Variants in XXYLT1 observed in about 807,000 individuals in gnomAD.
XXYLT1 encodes xyloside xylosyltransferase 1.
Under a neutral mutation model 28.9 loss-of-function variants are expected in XXYLT1, and 20 were observed. That is an observed-to-expected ratio of 0.69 (90% CI 0.49 to 1.00). The LOEUF is 1.00. Ranked by LOEUF, XXYLT1 falls within the 50% of genes least tolerant of loss-of-function variation. The pLI, the probability that XXYLT1 is intolerant of heterozygous loss-of-function variation, is 0.00. For missense variants in XXYLT1, 542 were observed against 560.1 expected (o/e 0.97, Z 0.33); for synonymous variants, 257 against 253.8 (o/e 1.01, Z -0.12).
At position 195,195,714 on chromosome 3, in the gene XXYLT1, G is replaced by C. The variant is rs1179524510; in HGVS notation, c.652+30995C>G. On this transcript the variant is annotated intron_variant, in intron 2 of 3. Coordinates refer to ENST00000310380, the MANE Select transcript of XXYLT1 (RefSeq NM_152531.5). This position sits in a 1 kb window ranked among gnomAD's most constrained non-coding sequence, Gnocchi z 4.4. ...ACAGCTCTCAGGAACAGCTCGGAGG[G>C]CCCGGGCAGTGCCGTGCTGGGAATG... 6.6e-6 allele frequency among the ~76,000 whole-genome samples: 1 copy of C among 152,166 alleles called. No individual in the cohort carries two copies. The highest frequency in any genetic ancestry group is 1.5e-5 in the Non-Finnish European group (1 of 68,030).
chr3:195,234,208 C>T (rs1424675574), intron 1 of XXYLT1, among the ~76,000 whole-genome samples: 2 of 150,922 alleles, frequency 1.3e-5, no homozygotes, highest in African/African-American at 2.4e-5. Flanking sequence ...TGAGCCACTG[C>T]GTCTGGCCAG....
chr3:195,263,277 GAACCCAACCTGTAAGGT>G (rs1725746520), intron 1 of XXYLT1, among the ~76,000 whole-genome samples: 1 of 152,178 alleles, frequency 6.6e-6, no homozygotes, highest in Non-Finnish European at 1.5e-5. Flanking sequence ...GCTCCTCCTG[GAACCCAACCTGTAAGGT>G]AACCCAACCT....
At chr3:195,141,685 T>TGCCAGCCAGC (rs1719499774) in intron 3 of XXYLT1, among the ~76,000 whole-genome samples, 2 of 152,132 alleles carry the variant, frequency 1.3e-5, no homozygotes, top group South Asian at 2.1e-4. Context: ...TCAGAACCCT[T>TGCCAGCCAGC]GCCAGCCAGC....
chr3:195,214,546 T>C (rs1723474403), intron 2 of XXYLT1, among the ~76,000 whole-genome samples: 1 of 152,144 alleles, frequency 6.6e-6, no homozygotes, highest in Non-Finnish European at 1.5e-5. Flanking sequence ...AGTCAGGATC[T>C]CAGAGGCTGG....
At position 195,124,180 on chromosome 3, in the gene XXYLT1, C is replaced by G. The variant is rs1427654816; in HGVS notation, c.785+32269G>C. Among the ~76,000 whole-genome samples the G allele has an allele frequency of 6.6e-6, 1 of 152,218 alleles. No homozygotes were observed. Among genetic ancestry groups the G allele is most frequent in the Non-Finnish European group, 1.5e-5 (1 of 68,042 alleles). On this transcript the variant is annotated intron_variant, in intron 3 of 3. Transcript: ENST00000310380. This position sits in a 1 kb window ranked among gnomAD's most constrained non-coding sequence, Gnocchi z 4.1. ...CCTCGAGAAGTGTGGGTCTAGACCA[C>G]AGCCCTCATTTTACAGACAAAGAGA...
At chr3:195,191,349 A>G (rs941995618) in intron 2 of XXYLT1, among the ~76,000 whole-genome samples, 1 of 152,176 alleles carries the variant, frequency 6.6e-6, no homozygotes, top group Non-Finnish European at 1.5e-5. Flanking sequence ...GATCTTTATG[A>G]TGATCTGCTT....
chr3:195,072,874 A>AGCCTC (rs1445095984), intron 3 of XXYLT1, among the ~76,000 whole-genome samples: 5 of 152,190 alleles, frequency 3.3e-5, no homozygotes, highest in African/African-American at 9.7e-5. Flanking sequence ...GAATCGCATC[A>AGCCTC]GCCTCGGGGT....
At chr3:195,224,415 A>G (rs2108799159) in intron 2 of XXYLT1, among the ~76,000 whole-genome samples, 1 of 152,176 alleles carries the variant, frequency 6.6e-6, no homozygotes, top group East Asian at 1.9e-4. Flanking sequence ...AGGCTCTTGG[A>G]CAGGGCTAAG....
chr3:195,222,904 T>G (rs201613149), intron 2 of XXYLT1, among the ~76,000 whole-genome samples: 1 of 152,016 alleles, frequency 6.6e-6, no homozygotes, highest in Non-Finnish European at 1.5e-5. Context: ...AAAAGCTACA[T>G]GTTGGGAATA....
intron 3 of XXYLT1, among the ~76,000 whole-genome samples, chr3:195,098,765 T>G (rs1716601185): frequency 6.6e-6 from 1 of 152,178 alleles, no homozygotes; most frequent in East Asian, 1.9e-4. Context: ...AAGGCCCTGG[T>G]GCCTCTTGAT....
chr3:195,156,024 C>T (rs900942073), intron 3 of XXYLT1, among the ~76,000 whole-genome samples: 26 of 152,208 alleles, frequency 1.7e-4, no homozygotes, highest in African/African-American at 6.3e-4. Context: ...TGTGTTCTGA[C>T]GTCTTCCCTC....
chr3:195,266,382 T>A lies in XXYLT1; in HGVS notation c.504+4173A>T, dbSNP rs929803785. Among the ~76,000 whole-genome samples the A allele has an allele frequency of 4.8e-4, 73 of 151,514 alleles. 1 individual carries two copies. Among genetic ancestry groups the A allele is most frequent in the Admixed American group, 1.3e-4 (2 of 15,214 alleles). ...TGGCGGTGGGTGCCTGTAGTCCAGCTACTCCGGAAGCTGAGACAGGAGAAT... is the reference window on the plus strand; with the variant it reads ...TGGCGGTGGGTGCCTGTAGTCCAGCAACTCCGGAAGCTGAGACAGGAGAAT... On this transcript the variant is annotated intron_variant, in intron 1 of 3. Transcript: ENST00000310380.
At chr3:195,135,420 G>A (rs1006098437) in intron 3 of XXYLT1, among the ~76,000 whole-genome samples, 1 of 152,212 alleles carries the variant, frequency 6.6e-6, no homozygotes. Flanking sequence ...GTCAGCAGGG[G>A]CAGGGAGGTT....
intron 2 of XXYLT1, among the ~76,000 whole-genome samples, chr3:195,208,267 G>A (rs772900424): frequency 3.9e-5 from 6 of 152,102 alleles, no homozygotes; most frequent in Non-Finnish European, 8.8e-5. Context: ...AGAAAGTGAA[G>A]TTGTGAGGGC....
chr3:195,129,120 G>T lies in XXYLT1; in HGVS notation c.785+27329C>A, dbSNP rs1035149236. Among the ~76,000 whole-genome samples the T allele has an allele frequency of 2.6e-5, 4 of 152,132 alleles. No individual in the cohort carries two copies. Among genetic ancestry groups the T allele is most frequent in the Non-Finnish European group, 5.9e-5 (4 of 68,012 alleles). On this transcript the variant is annotated intron_variant, in intron 3 of 3. Coordinates refer to ENST00000310380, the MANE Select transcript of XXYLT1 (RefSeq NM_152531.5). The surrounding 1 kb of genome is among the most constrained non-coding windows in gnomAD (Gnocchi z 4.4). ...TTCTACCCTGGAAAAAATATTGTGTGGGGGGAAGGTCGCGGCTAACATAGA... is the reference window on the plus strand; with the variant it reads ...TTCTACCCTGGAAAAAATATTGTGTTGGGGGAAGGTCGCGGCTAACATAGA...
intron 3 of XXYLT1, among the ~76,000 whole-genome samples, chr3:195,081,227 A>G (rs1350710590): frequency 1.3e-5 from 2 of 152,122 alleles, no homozygotes; most frequent in Non-Finnish European, 2.9e-5. Context: ...CTAAAAAAAA[A>G]AAAGCGTTTT....
chr3:195,216,726 C>T (rs1486834495), intron 2 of XXYLT1, among the ~76,000 whole-genome samples: 1 of 150,384 alleles, frequency 6.6e-6, no homozygotes, highest in Non-Finnish European at 1.5e-5. Flanking sequence ...CGAATTCTAC[C>T]AGAGGTACAA....
At chr3:195,123,536 T>C (rs1440361231) in intron 3 of XXYLT1, among the ~76,000 whole-genome samples, 2 of 152,208 alleles carry the variant, frequency 1.3e-5, no homozygotes, top group Non-Finnish European at 2.9e-5. Context: ...GAGTGAGTCC[T>C]GAGGGCTGCA....
At chr3:195,263,664 G>A (rs1725758758) in intron 1 of XXYLT1, among the ~76,000 whole-genome samples, 1 of 152,086 alleles carries the variant, frequency 6.6e-6, no homozygotes, top group South Asian at 2.1e-4. Flanking sequence ...ACCCAGTCTC[G>A]GGTATTGTTA....
Sources: gnomAD v4.1 joint callset for allele counts (sites outside exome capture counted in the v4.1 genomes callset) on GRCh38, gnomAD v4.1.1 for gene constraint, Gnocchi (gnomAD v3.1) non-coding constraint, MANE v1.5 for transcripts, NCBI Gene and HGNC (gene_info 2026-07-23, HGNC 2026-07-21) for gene names.